The following ZNF704 variants were observed in gnomAD, a reference collection of about 807,000 sequenced individuals.
ZNF704 encodes the protein glucocorticoid induced gene 1.
Under a neutral mutation model 44.7 loss-of-function variants are expected in ZNF704, and 10 were observed. The ratio of observed to expected loss-of-function variants is 0.22; its 90% CI spans 0.14 to 0.38. ZNF704 has a LOEUF of 0.38. Among genes scored for constraint, ZNF704 ranks in the 10% least tolerant of loss-of-function variants. The pLI, the probability that ZNF704 is intolerant of heterozygous loss-of-function variation, is 1.00. For synonymous variants in ZNF704, 211 were observed against 207.6 expected (o/e 1.02, Z -0.14); for missense variants, 390 against 545.5 (o/e 0.71, Z 2.84).
rs1271181950 is a variant in ZNF704 at position 80,874,471 on chromosome 8, A to T, written c.-22+100T>A. 6.6e-6 allele frequency: 1 copy of T among 150,960 alleles called. No homozygotes were observed. The highest frequency in any genetic ancestry group is 1.5e-5 in the Non-Finnish European group (1 of 67,738). 9.4% of individuals were successfully genotyped at this position (150,960 alleles called of 1,614,324 possible). ...CCTCGGCGCGAGCTGTTTGTGTTGT[A>T]TGTTTTCCACCACCGCCCCCCTCTT... On this transcript the variant is annotated intron_variant, in intron 1 of 8. Transcript: ENST00000327835. The surrounding 1 kb of genome is among the most constrained non-coding windows in gnomAD (Gnocchi z 4.4).
At chr8:80,676,307 A>G (rs527366524) in intron 4 of ZNF704, among the ~76,000 whole-genome samples, 19 of 152,200 alleles carry the variant, frequency 1.2e-4, no homozygotes, top group Admixed American at 2.6e-4. Flanking sequence ...GTGCGTTTCT[A>G]TGCTGATGGG....
chr8:80,814,616 A>T (rs1308539857), intron 2 of ZNF704, among the ~76,000 whole-genome samples: 1 of 152,252 alleles, frequency 6.6e-6, no homozygotes, highest in Non-Finnish European at 1.5e-5. Context: ...CCAATTATAC[A>T]GTACCAGTAT....
chr8:80,672,949 G>A (rs541620593), intron 4 of ZNF704, among the ~76,000 whole-genome samples: 3 of 151,952 alleles, frequency 2.0e-5, no homozygotes, highest in Admixed American at 6.5e-5. Flanking sequence ...TTTGTAATAC[G>A]GCAATATGCA....
chr8:80,851,286 G>C (rs1808859031), intron 1 of ZNF704, among the ~76,000 whole-genome samples: 1 of 152,078 alleles, frequency 6.6e-6, no homozygotes, highest in Non-Finnish European at 1.5e-5. Context: ...GTTTATAGCA[G>C]CACTATTCAC....
Position 80,853,015 on chromosome 8 carries a change from T to C in ZNF704, c.-22+21556A>G, listed in dbSNP as rs1367289815. 2.6e-5 allele frequency among the ~76,000 whole-genome samples: 4 copies of C among 152,296 alleles called. No individual in the cohort carries two copies. In the East Asian group the frequency reaches 5.8e-4, roughly 22 times the overall value. ...AGGTAGGTCACCAATAATAGTTTGC[T>C]AGATGAGGGATCGCTCTATAAATGA... On this transcript the variant is annotated intron_variant, in intron 1 of 8. Coordinates refer to ENST00000327835, the MANE Select transcript of ZNF704 (RefSeq NM_001033723.3).
intron 2 of ZNF704, among the ~76,000 whole-genome samples, chr8:80,790,401 T>C (rs1030669721): frequency 2.0e-5 from 3 of 151,850 alleles, no homozygotes; most frequent in African/African-American, 7.3e-5. Flanking sequence ...AAGGATGAGT[T>C]AGGAATGCCT....
chr8:80,739,548 A>C (rs905946971), intron 2 of ZNF704, among the ~76,000 whole-genome samples: 1 of 152,152 alleles, frequency 6.6e-6, no homozygotes, highest in African/African-American at 2.4e-5. Context: ...AACTATATTG[A>C]AAAACATTTT....
intron 1 of ZNF704, among the ~76,000 whole-genome samples, chr8:80,859,159 ATG>A (rs1174304940): frequency 4.6e-5 from 7 of 152,156 alleles, no homozygotes; most frequent in African/African-American, 1.4e-4. Flanking sequence ...TAGGATTTTT[ATG>A]TCTTCTTGAT....
intron 2 of ZNF704, among the ~76,000 whole-genome samples, chr8:80,780,444 G>C (rs548688360): frequency 6.6e-6 from 1 of 152,234 alleles, no homozygotes; most frequent in South Asian, 2.1e-4. Flanking sequence ...CATGTGTATT[G>C]AGTTGGATGG....
intron 7 of ZNF704, among the ~76,000 whole-genome samples, chr8:80,650,505 A>G (rs1817900781): frequency 1.3e-5 from 2 of 152,254 alleles, no homozygotes; most frequent in South Asian, 4.1e-4. Context: ...AGGCGCAAGA[A>G]CTACGTGACG....
chr8:80,808,801 C>T (rs1808035612), intron 2 of ZNF704, among the ~76,000 whole-genome samples: 2 of 152,210 alleles, frequency 1.3e-5, no homozygotes, highest in Admixed American at 6.5e-5. Context: ...ATGTATTTAT[C>T]AACTGTGGTT....
At chr8:80,649,330 T>A (rs1817878389) in intron 7 of ZNF704, among the ~76,000 whole-genome samples, 1 of 152,096 alleles carries the variant, frequency 6.6e-6, no homozygotes, top group South Asian at 2.1e-4. Flanking sequence ...CGACAGTGGG[T>A]GCAGCACACC....
At chr8:80,789,550 C>G (rs961174277) in intron 2 of ZNF704, among the ~76,000 whole-genome samples, 2 of 152,118 alleles carry the variant, frequency 1.3e-5, no homozygotes, top group African/African-American at 4.8e-5. Context: ...AGTTTTGAGA[C>G]TAGCCTGAGC....
chr8:80,777,198 T>C (rs545437545), intron 2 of ZNF704, among the ~76,000 whole-genome samples: 13 of 152,288 alleles, frequency 8.5e-5, no homozygotes, highest in African/African-American at 2.6e-4. Flanking sequence ...ACGTCAGAAA[T>C]TGCTAGTTAT....
chr8:80,788,516 G>T (rs1563553682), intron 2 of ZNF704, among the ~76,000 whole-genome samples: 1 of 152,146 alleles, frequency 6.6e-6, no homozygotes, highest in East Asian at 1.9e-4. Flanking sequence ...AAGGCATAGG[G>T]GTAGAATTCA....
chr8:80,709,604 C>A (rs755195781), intron 2 of ZNF704, among the ~76,000 whole-genome samples: 2 of 152,048 alleles, frequency 1.3e-5, no homozygotes, highest in East Asian at 3.9e-4. Flanking sequence ...CAGGGAGAGC[C>A]AGCCAGACCA....
chr8:80,804,072 G>GA (rs1452160004), intron 2 of ZNF704, among the ~76,000 whole-genome samples: 1 of 151,772 alleles, frequency 6.6e-6, no homozygotes, highest in Non-Finnish European at 1.5e-5. Context: ...ACAAACATAT[G>GA]AAAAAAAACC....
chr8:80,800,579 AG>A (rs1284667727), intron 2 of ZNF704, among the ~76,000 whole-genome samples: 2 of 152,178 alleles, frequency 1.3e-5, no homozygotes, highest in Non-Finnish European at 2.9e-5. Flanking sequence ...TAAGCAAAGG[AG>A]AAATAAGATC....
intron 2 of ZNF704, among the ~76,000 whole-genome samples, chr8:80,735,869 G>A (rs1806656930): frequency 6.6e-6 from 1 of 152,172 alleles, no homozygotes; most frequent in Admixed American, 6.5e-5. Flanking sequence ...TTCAGCAGGT[G>A]ATTTTCTTAA....
Sources: gnomAD v4.1 joint callset for allele counts (sites outside exome capture counted in the v4.1 genomes callset) on GRCh38, gnomAD v4.1.1 for gene constraint, Gnocchi (gnomAD v3.1) non-coding constraint, MANE v1.5 for transcripts, NCBI Gene and HGNC (gene_info 2026-07-23, HGNC 2026-07-21) for gene names.